Variants in KIF1B observed in about 807,000 individuals in gnomAD.
KIF1B encodes the protein kinesin-like protein KIF1B.
KIF1B carries 76 observed loss-of-function variants against 241.9 expected under a neutral mutation model. That is an observed-to-expected ratio of 0.31 (90% CI 0.26 to 0.38). The LOEUF is 0.38. Among genes scored for constraint, KIF1B ranks in the 10% least tolerant of loss-of-function variants. The pLI, the probability that KIF1B is intolerant of heterozygous loss-of-function variation, is 1.00. For missense variants in KIF1B, 1,622 were observed against 2,271.4 expected, an observed-to-expected ratio of 0.71 and a Z score of 5.81; for synonymous variants, 750 against 796.7, an observed-to-expected ratio of 0.94 and a Z score of 0.99.
intron 2 of KIF1B, among the ~76,000 whole-genome samples, chr1:10,253,346 A>T (rs1647575726): frequency 6.6e-6 from 1 of 152,122 alleles, no homozygotes; most frequent in South Asian, 2.1e-4. Flanking sequence ...TGGGAGCATC[A>T]AATAGGTTAG....
At chr1:10,304,857 A>T (rs1467448568) in intron 22 of KIF1B, 1 of 1,412,188 alleles carries the variant, frequency 7.1e-7, no homozygotes. Flanking sequence ...GAAATTTTGG[A>T]TAAAGCATCA....
At chr1:10,218,040 G>A (rs1273320767) in intron 1 of KIF1B, among the ~76,000 whole-genome samples, 3 of 152,088 alleles carry the variant, frequency 2.0e-5, no homozygotes, top group African/African-American at 7.2e-5. Context: ...CTGGGGGGAG[G>A]AAAATCCCTC....
intron 43 of KIF1B, among the ~76,000 whole-genome samples, chr1:10,366,299 C>T (rs1357557362): frequency 2.6e-5 from 4 of 152,108 alleles, no homozygotes; most frequent in Non-Finnish European, 5.9e-5. Flanking sequence ...TATTAGGTCA[C>T]AAGCATATAA....
chr1:10,313,036 T>C (rs1651134368), intron 22 of KIF1B, among the ~76,000 whole-genome samples: 1 of 151,508 alleles, frequency 6.6e-6, no homozygotes, highest in African/African-American at 2.4e-5. Flanking sequence ...GCTAACTATA[T>C]AGTACCATCT....
At chr1:10,227,313 G>T (rs1042356006) in intron 1 of KIF1B, among the ~76,000 whole-genome samples, 1 of 152,084 alleles carries the variant, frequency 6.6e-6, no homozygotes. Flanking sequence ...GATGACAGGC[G>T]TGAGCCACCG....
At chr1:10,351,147 T>C (rs1557730844) in intron 37 of KIF1B, among the ~76,000 whole-genome samples, 1 of 151,822 alleles carries the variant, frequency 6.6e-6, no homozygotes, top group Admixed American at 6.6e-5. Flanking sequence ...TGGTAGTAGC[T>C]TTTCAATATT....
At chr1:10,271,189 A>C (rs1400193939) in intron 7 of KIF1B, among the ~76,000 whole-genome samples, 6 of 151,822 alleles carry the variant, frequency 4.0e-5, no homozygotes, top group Admixed American at 3.3e-4. Flanking sequence ...TTTAATTAAA[A>C]AAAATTTTTT....
intron 1 of KIF1B, among the ~76,000 whole-genome samples, chr1:10,229,642 G>T (rs897519454): frequency 1.6e-4 from 24 of 149,624 alleles, no homozygotes; most frequent in Non-Finnish European, 3.1e-4. Flanking sequence ...GGATCACGAG[G>T]TCAGGAGATC....
chr1:10,326,164 C>T lies in KIF1B; in HGVS notation c.2729C>T (p.Ser910Phe). 1 of 1,614,166 alleles carries T rather than the reference C, an allele frequency of 6.2e-7. No homozygotes were observed. Residue 910 changes from serine to phenylalanine, a missense_variant, in exon 27 of 49, where the codon TCC (serine) becomes TTC (phenylalanine). Physicochemically the swap from Ser to Phe is radical, Grantham distance 155 (BLOSUM62 -2). Coordinates refer to ENST00000676179, the MANE Select transcript of KIF1B (RefSeq NM_001365951.3). This position sits in a 1 kb window ranked among gnomAD's most constrained non-coding sequence, Gnocchi z 5.2. ...GAGCGCCTTGCCGACCGCACACCCT[C>T]CCCCACTTTTTCCACGGCCGATTCC... is the stretch of plus-strand genomic sequence containing the variant. ...VNERLADRTP[S>F]PTFSTADSDI...
chr1:10,214,942 A>G (rs1015308940), intron 1 of KIF1B, among the ~76,000 whole-genome samples: 4 of 151,362 alleles, frequency 2.6e-5, no homozygotes, highest in Non-Finnish European at 5.9e-5. Context: ...ATTTTAGTAC[A>G]ATTTAGTATC....
intron 1 of KIF1B, among the ~76,000 whole-genome samples, chr1:10,220,393 TA>T (rs1285841156): frequency 5.4e-5 from 7 of 130,654 alleles, no homozygotes; most frequent in South Asian, 2.6e-4. Context: ...GATAGATAGA[TA>T]GATGATAGAT....
chr1:10,311,211 C>T (rs1651050840), intron 22 of KIF1B, among the ~76,000 whole-genome samples: 1 of 149,970 alleles, frequency 6.7e-6, no homozygotes, highest in Admixed American at 6.6e-5. Flanking sequence ...GCCTACCTCC[C>T]ATTCTTTTTT....
intron 38 of KIF1B, among the ~76,000 whole-genome samples, chr1:10,355,552 A>G (rs758902830): frequency 6.6e-6 from 1 of 152,182 alleles, no homozygotes; most frequent in Non-Finnish European, 1.5e-5. Context: ...TAAGAAGCGT[A>G]TAGCTTCTTA....
intron 28 of KIF1B, among the ~76,000 whole-genome samples, chr1:10,336,183 C>T (rs892135973): frequency 6.6e-6 from 1 of 152,190 alleles, no homozygotes; most frequent in Non-Finnish European, 1.5e-5. Context: ...GAGTCTCGCT[C>T]TGTTGCCCAG....
chr1:10,278,875 TC>T (rs1212939597), intron 13 of KIF1B: 1 of 478,620 alleles, frequency 2.1e-6, no homozygotes, highest in African/African-American at 1.9e-5. Flanking sequence ...AAACTTATAT[TC>T]CTTGAAGTTC....
At position 10,271,484 on chromosome 1, in the gene KIF1B, G is replaced by A. The variant is rs770340038; in HGVS notation, c.721-18G>A. 3.2e-6 allele frequency: 5 copies of A among 1,587,190 alleles called. No individual in the cohort carries two copies. In the South Asian group the frequency reaches 4.4e-5, roughly 14 times the overall value. On this transcript the variant is annotated intron_variant, in intron 7 of 48. Coordinates refer to ENST00000676179, the MANE Select transcript of KIF1B (RefSeq NM_001365951.3). ...TTGCTTATTTTTGAATTGCCCCCAT[G>A]TTATTGTTCTTTATCAGGTCAGTAA... is the stretch of plus-strand genomic sequence containing the variant.
Position 10,337,684 on chromosome 1 carries a change from T to C in KIF1B, c.3422+151T>C. On this transcript the variant is annotated intron_variant, in intron 31 of 48. Transcript: ENST00000676179. The surrounding 1 kb of genome is among the most constrained non-coding windows in gnomAD (Gnocchi z 4.0). Reference sequence around the variant, plus strand: ...AAGGAAAATACTTTCATCACTCCTATGGGAGTGAGAACCAGAAACCTGTCC... The same window carrying C: ...AAGGAAAATACTTTCATCACTCCTACGGGAGTGAGAACCAGAAACCTGTCC... 1 of 902,428 alleles carries C rather than the reference T, an allele frequency of 1.1e-6. No homozygotes were observed. Among genetic ancestry groups the C allele is most frequent in the Non-Finnish European group, 1.7e-6 (1 of 588,942 alleles). The allele number at this position is 902,428 out of a possible 1,614,324, so 55.9% of individuals were successfully genotyped here.
Position 10,279,114 on chromosome 1 carries a change from G to T in KIF1B, c.1198G>T (p.Asp400Tyr), listed in dbSNP as rs1055761022. The change falls in exon 14 of 49, where the codon GAT (aspartate) becomes TAT (tyrosine). Residue 400 changes from aspartate (D) to tyrosine (Y), a missense_variant. Physicochemically the swap from Asp to Tyr is radical, Grantham distance 160. This residue lies in a region of KIF1B where 201 missense variants were observed against 301.2 expected (regional missense o/e 0.67). Coordinates refer to ENST00000676179, the MANE Select transcript of KIF1B (RefSeq NM_001365951.3). ...DIIDIDPLID[D>Y]YSGSGSKYLK... is the part of the protein sequence containing the mutation. ...ACCTTCAGTTGATCCATTGATCGAT[G>T]ATTACTCTGGAAGTGGAAGCAAATG... is the stretch of plus-strand genomic sequence containing the variant. The T allele has an allele frequency of 1.3e-6, 2 of 1,546,924 alleles. No individual in the cohort carries two copies. The highest frequency in any genetic ancestry group is 1.4e-5 in the African/African-American group (1 of 72,902).
At position 10,278,046 on chromosome 1, in the gene KIF1B, C is replaced by T. The variant is rs1256105670; in HGVS notation, c.1098C>T (p.Ala366=). 1.2e-6 allele frequency: 2 copies of T among 1,614,002 alleles called. No homozygotes were observed. The highest frequency in any genetic ancestry group is 1.7e-6 in the Non-Finnish European group (2 of 1,179,938). ...CNAVINEDPN[A]KLVRELKEEV... ...CTGTTATCAATGAGGACCCCAATGCCAAACTGGTTCGTGAATTAAAGGAGG... is the reference window on the plus strand; with the variant it reads ...CTGTTATCAATGAGGACCCCAATGCTAAACTGGTTCGTGAATTAAAGGAGG... Residue 366 remains alanine (A), a synonymous_variant, in exon 13 of 49, where the codon GCC becomes GCT. Transcript: ENST00000676179.
Sources: gnomAD v4.1 joint callset for allele counts (sites outside exome capture counted in the v4.1 genomes callset) on GRCh38, gnomAD v4.1.1 for gene constraint, gnomAD v4.1.1 regional missense constraint, Gnocchi (gnomAD v3.1) non-coding constraint, MANE v1.5 for transcripts, NCBI Gene and HGNC (gene_info 2026-07-23, HGNC 2026-07-21) for gene names.